Variants in NXPE2 observed in about 807,000 individuals in gnomAD.
The protein encoded by NXPE2 is neurexophilin and PC-esterase domain family member 2.
In NXPE2, 34 loss-of-function variants were observed where a neutral mutation model predicts 34.4. That is an observed-to-expected ratio of 0.99 (90% CI 0.75 to 1.31). The LOEUF (loss-of-function observed/expected upper bound fraction) is 1.31. NXPE2 is among the 40% of genes most tolerant of loss of function. The pLI is 0.00. For missense variants in NXPE2, 649 were observed against 672.5 expected (o/e 0.97, Z 0.39); for synonymous variants, 235 against 231.3 (o/e 1.02, Z -0.15).
chr11:114,475,466 A>G, the NXPE2 span, among the ~76,000 whole-genome samples: 3 of 151,306 alleles, frequency 2.0e-5, no homozygotes, highest in Non-Finnish European at 4.4e-5. Flanking sequence ...CTGGTCTCGA[A>G]CTCCTGACCT....
chr11:114,777,444 T>C, the NXPE2 span, among the ~76,000 whole-genome samples: 1 of 152,324 alleles, frequency 6.6e-6, no homozygotes, highest in African/African-American at 2.4e-5. Flanking sequence ...TAAAAACTGC[T>C]GAGCTTAACC....
chr11:114,530,986 G>A, the NXPE2 span: 80 of 1,351,710 alleles, frequency 5.9e-5, no homozygotes, highest in Middle Eastern at 1.9e-4. Flanking sequence ...TTGAATATTT[G>A]TTTACAGTGA....
chr11:114,484,100 GC>G, the NXPE2 span, among the ~76,000 whole-genome samples: 2 of 152,134 alleles, frequency 1.3e-5, no homozygotes, highest in Non-Finnish European at 2.9e-5. Context: ...TGATGACTGA[GC>G]CCCCACTGGG....
At chr11:114,801,205 G>A in the NXPE2 span, among the ~76,000 whole-genome samples, 2 of 152,186 alleles carry the variant, frequency 1.3e-5, no homozygotes, top group Admixed American at 1.3e-4. Context: ...GAGAATATCA[G>A]ATTGTGATAA....
the NXPE2 span, among the ~76,000 whole-genome samples, chr11:114,718,683 T>A: frequency 6.6e-6 from 1 of 152,158 alleles, no homozygotes; most frequent in Non-Finnish European, 1.5e-5. Context: ...TGGTCAAATA[T>A]GGGACAATTT....
At chr11:114,591,012 G>A in the NXPE2 span, among the ~76,000 whole-genome samples, 3 of 152,144 alleles carry the variant, frequency 2.0e-5, no homozygotes, top group Admixed American at 1.3e-4. Flanking sequence ...ATGACTGTGA[G>A]CAAGTTGTGG....
the NXPE2 span, among the ~76,000 whole-genome samples, chr11:114,471,818 G>C: frequency 6.6e-6 from 1 of 152,194 alleles, no homozygotes. Flanking sequence ...ACTGGGGCAT[G>C]ATGCCTTTGA....
the NXPE2 span, among the ~76,000 whole-genome samples, chr11:114,519,303 G>A: frequency 6.6e-6 from 1 of 152,118 alleles, no homozygotes; most frequent in Non-Finnish European, 1.5e-5. Flanking sequence ...ATCATATGCT[G>A]TTCTCTCATT....
intron 4 of NXPE2, 60 bp from the exon 5 acceptor site, chr11:114,705,720 CA>C: frequency 9.2e-7 from 1 of 1,082,878 alleles, no homozygotes; most frequent in African/African-American, 1.6e-5. Flanking sequence ...AAATGAGAAA[CA>C]TTTTTCCAAA....
At chr11:114,552,598 A>G in the NXPE2 span, among the ~76,000 whole-genome samples, 90,906 of 151,784 alleles carry the variant, frequency 0.6, 29,025 homozygotes, top group African/African-American at 0.84. Context: ...GAAGAAATCA[A>G]TCAAGGGGCT....
the NXPE2 span, among the ~76,000 whole-genome samples, chr11:114,657,752 A>G: frequency 8.5e-5 from 13 of 152,308 alleles, no homozygotes; most frequent in African/African-American, 1.4e-4. Context: ...AAAAAAAGAT[A>G]TAAGAACCCC....
chr11:114,752,072 A>G, the NXPE2 span, among the ~76,000 whole-genome samples: 1 of 152,240 alleles, frequency 6.6e-6, no homozygotes, highest in Non-Finnish European at 1.5e-5. Context: ...TGCTGTTTTA[A>G]GATGCTACGT....
chr11:114,652,993 T>C, the NXPE2 span, among the ~76,000 whole-genome samples: 3 of 152,136 alleles, frequency 2.0e-5, no homozygotes, highest in Non-Finnish European at 2.9e-5. Context: ...AGAAGCAAAT[T>C]TGCAACCTCT....
chr11:114,600,084 G>A, the NXPE2 span, among the ~76,000 whole-genome samples: 1 of 152,168 alleles, frequency 6.6e-6, no homozygotes, highest in African/African-American at 2.4e-5. Context: ...AATAATTGCT[G>A]TACTCAATAT....
At chr11:114,781,366 A>C in the NXPE2 span, among the ~76,000 whole-genome samples, 1 of 152,198 alleles carries the variant, frequency 6.6e-6, no homozygotes, top group Non-Finnish European at 1.5e-5. Flanking sequence ...GGCCATGCTG[A>C]CTTTGATGAG....
rs1565393451 is a variant in NXPE2, at chr11:114,707,011, G to A, written c.*81G>A. Reference sequence around the variant, plus strand: ...GCGAAGATAGTTTAATGCAATCCAAGTTTTGAGGAAACTAAATTTGAAAAA... The same window carrying A: ...GCGAAGATAGTTTAATGCAATCCAAATTTTGAGGAAACTAAATTTGAAAAA... On this transcript the variant is annotated 3_prime_UTR_variant, in exon 6 of 6. Coordinates refer to ENST00000389586, the MANE Select transcript of NXPE2 (RefSeq NM_182495.6). 1 of 1,128,764 alleles carries A rather than the reference G, an allele frequency of 8.9e-7. No individual in the cohort carries two copies. Among genetic ancestry groups the A allele is most frequent in the South Asian group, 1.8e-5 (1 of 56,190 alleles). The allele number at this position is 1,128,764 out of a possible 1,614,324, so 69.9% of individuals were successfully genotyped here.
the NXPE2 span, chr11:114,522,867 GT>G: frequency 6.3e-7 from 1 of 1,579,098 alleles, no homozygotes; most frequent in East Asian, 2.2e-5. Flanking sequence ...AGAATATAAA[GT>G]AACTACCTAC....
Position 114,696,347 on chromosome 11 carries a change from A to C in NXPE2, c.133-1698A>C, listed in dbSNP as rs866749102. ...ACTCCATATCAAAAAAACCAAAAAA[A>C]AAAAAAAAAAAAGAAAGAAAAGAAA... On this transcript the variant is annotated intron_variant, in intron 2 of 5. Coordinates refer to ENST00000389586, the MANE Select transcript of NXPE2 (RefSeq NM_182495.6). Among the ~76,000 whole-genome samples the C allele has an allele frequency of 2.0e-4, 30 of 148,292 alleles. 1 individual carries two copies. Among genetic ancestry groups the C allele is most frequent in the African/African-American group, 6.1e-4 (25 of 41,170 alleles).
intron 1 of NXPE2, among the ~76,000 whole-genome samples, chr11:114,679,405 A>G (rs1328004490): frequency 1.3e-5 from 2 of 152,036 alleles, no homozygotes; most frequent in Admixed American, 1.3e-4. Context: ...AACAGGTTCC[A>G]GTATGTGATA....
Sources: gnomAD v4.1 joint callset for allele counts (sites outside exome capture counted in the v4.1 genomes callset) on GRCh38, gnomAD v4.1.1 for gene constraint, MANE v1.5 for transcripts, NCBI Gene and HGNC (gene_info 2026-07-23, HGNC 2026-07-21) for gene names.